ZNF333: variants seen among roughly 807,000 people sequenced by gnomAD.
The protein encoded by ZNF333 is zinc finger protein 333.
ZNF333 carries 61 observed loss-of-function variants against 76.1 expected under a neutral mutation model. The ratio of observed to expected loss-of-function variants is 0.80; its 90% CI spans 0.65 to 0.99. ZNF333 has a LOEUF of 0.99. ZNF333 is among the 50% of genes least tolerant of loss of function. ZNF333 has a pLI of 0.00. For missense variants in ZNF333, 717 were observed against 822.4 expected, an observed-to-expected ratio of 0.87 and a Z score of 1.57; for synonymous variants, 284 against 305.0, an observed-to-expected ratio of 0.93 and a Z score of 0.72.
Position 14,717,101 on chromosome 19 carries a change from C to T in ZNF333, c.823+12C>T. On this transcript the variant is annotated intron_variant, in intron 10 of 11. Coordinates refer to ENST00000292530, the MANE Select transcript of ZNF333 (RefSeq NM_032433.4). ...AGACACCTGTGCAGGTGAGCCCAGGCAGATCAGGTGAGCATCAGCTCTGGT... is the reference window on the plus strand; with the variant it reads ...AGACACCTGTGCAGGTGAGCCCAGGTAGATCAGGTGAGCATCAGCTCTGGT... 2.5e-6 allele frequency: 4 copies of T among 1,594,996 alleles called. No homozygotes were observed. Among genetic ancestry groups the T allele is most frequent in the African/African-American group, 1.3e-5 (1 of 74,814 alleles).
chr19:14,723,265 G>A (rs866717999), downstream of ZNF333, among the ~76,000 whole-genome samples: 10 of 152,210 alleles, frequency 6.6e-5, no homozygotes, highest in Middle Eastern at 6.8e-3. Flanking sequence ...CTCCCTCCTC[G>A]ATTCCATTGG....
At chr19:14,702,576 C>T (rs2041987935) in intron 5 of ZNF333, among the ~76,000 whole-genome samples, 1 of 152,198 alleles carries the variant, frequency 6.6e-6, no homozygotes, top group Admixed American at 6.5e-5. Flanking sequence ...CCTCTCCAGG[C>T]TCAGCCCTTC....
rs2042544136 is a variant in ZNF333, at chr19:14,719,573, A to G, written c.*248A>G. 1.9e-6 allele frequency: 2 copies of G among 1,066,986 alleles called. No individual in the cohort carries two copies. Among genetic ancestry groups the G allele is most frequent in the Non-Finnish European group, 2.4e-6 (2 of 821,190 alleles). The allele number at this position is 1,066,986 out of a possible 1,614,324, so 66.1% of individuals were successfully genotyped here. A position where few individuals can be genotyped will look rare whatever the true frequency, so the allele number is the denominator to read the frequency against. On this transcript the variant is annotated 3_prime_UTR_variant, in exon 12 of 12. Coordinates refer to ENST00000292530, the MANE Select transcript of ZNF333 (RefSeq NM_032433.4). ...AGTGAAATGCATACATCTGAAGTGT[A>G]CAGTTGGATGAGTTTGACAGATGCA...
At chr19:14,706,000 T>TC in intron 6 of ZNF333, 1 of 430,138 alleles carries the variant, frequency 2.3e-6, no homozygotes, top group Non-Finnish European at 4.7e-6. Context: ...CCCTGTTCCC[T>TC]CCCCCGAGGG....
chr19:14,720,159 C>G lies in ZNF333; in HGVS notation c.*834C>G. On this transcript the variant is annotated 3_prime_UTR_variant, in exon 12 of 12. Transcript: ENST00000292530. ...CGAGATTGCGCCACTGCACTCCAGC[C>G]TGGGCAACAGAGTGAAACTCTGTCT... 1 of 969,350 alleles carries G rather than the reference C, an allele frequency of 1.0e-6. No homozygotes were observed. The allele number at this position is 969,350 out of a possible 1,614,324, so 60.0% of individuals were successfully genotyped here.
downstream of ZNF333, among the ~76,000 whole-genome samples, chr19:14,726,226 G>A (rs893383859): frequency 3.3e-5 from 5 of 152,286 alleles, no homozygotes; most frequent in African/African-American, 1.2e-4. Flanking sequence ...CGTGGAGAAT[G>A]GTGTCCAAAG....
chr19:14,724,635 G>A (rs752948890), downstream of ZNF333, among the ~76,000 whole-genome samples: 1 of 152,104 alleles, frequency 6.6e-6, no homozygotes, highest in Non-Finnish European at 1.5e-5. Flanking sequence ...GTGTGGTGGC[G>A]GGAGCCTGTA....
In ZNF333 at chr19:14,704,904, A is replaced by G. The variant is rs547078397; in HGVS notation, c.307-150A>G. 9.4e-4 allele frequency: 587 copies of G among 624,046 alleles called. 8 individuals are homozygous for G. In the South Asian group the frequency reaches 0.012, roughly 12 times the overall value. 38.7% of individuals were successfully genotyped at this position (624,046 alleles called of 1,614,324 possible). The stretch of plus-strand genomic sequence containing the variant: ...AGCAATTCTTCACCTCAGCCTCCCA[A>G]AGTGCTGGGATTATGGGCATGAGCC... On this transcript the variant is annotated intron_variant, in intron 5 of 11. Coordinates refer to ENST00000292530, the MANE Select transcript of ZNF333 (RefSeq NM_032433.4).
rs1309616203 is a variant in ZNF333, at chr19:14,694,950, G to T, written c.4-60G>T. 1.9e-6 allele frequency: 3 copies of T among 1,605,784 alleles called. No individual in the cohort carries two copies. The African/African-American group carries it at 4.0e-5, about 21-fold the overall frequency. ...ATTTTCTCTTCTCCAGTGATAACCAGTCGTTCTGCTCAGTGGTGGGGGTGG... is the reference window on the plus strand; with the variant it reads ...ATTTTCTCTTCTCCAGTGATAACCATTCGTTCTGCTCAGTGGTGGGGGTGG... On this transcript the variant is annotated intron_variant, in intron 2 of 11. Coordinates refer to ENST00000292530, the MANE Select transcript of ZNF333 (RefSeq NM_032433.4).
chr19:14,718,212 T>C lies in ZNF333; in HGVS notation c.901-16T>C, dbSNP rs766756265. Reference sequence around the variant, plus strand: ...CTAATAAGGCCTTTGGTCTTCACATTTTCCTTCATCGACAGGAGCAACCTC... The same window carrying C: ...CTAATAAGGCCTTTGGTCTTCACATCTTCCTTCATCGACAGGAGCAACCTC... On this transcript the variant is annotated splice_polypyrimidine_tract_variant and intron_variant, in intron 11 of 11. Transcript: ENST00000292530. The C allele has an allele frequency of 6.3e-7, 1 of 1,591,264 alleles. No homozygotes were observed. Among genetic ancestry groups the C allele is most frequent in the Non-Finnish European group, 8.5e-7 (1 of 1,170,270 alleles).
intron 4 of ZNF333, among the ~76,000 whole-genome samples, chr19:14,698,899 G>GATATAGATATAT (rs1973443005): frequency 7.5e-6 from 1 of 132,710 alleles, no homozygotes; most frequent in African/African-American, 2.8e-5. Flanking sequence ...CACAAATATA[G>GATATAGATATAT]ATATATATAT....
chr19:14,729,109 C>T (rs562394310), intron 11 of ZNF333, among the ~76,000 whole-genome samples: 3 of 152,058 alleles, frequency 2.0e-5, no homozygotes, highest in South Asian at 2.1e-4. Context: ...TTAGTGCCGA[C>T]GGGAAGGCTG....
rs551056757 is a variant in ZNF333, at chr19:14,699,419, T to A, written c.306+138T>A. Reference sequence around the variant, plus strand: ...GAAGGGAAACAGTGTCTGAGGGGAGTGCCTGTGACTTCTGAATTTGGGCAA... The same window carrying A: ...GAAGGGAAACAGTGTCTGAGGGGAGAGCCTGTGACTTCTGAATTTGGGCAA... On this transcript the variant is annotated intron_variant, in intron 5 of 11. Transcript: ENST00000292530. 52 of 712,396 alleles carry A rather than the reference T, an allele frequency of 7.3e-5. No individual in the cohort carries two copies. The African/African-American group carries it at 8.6e-4, about 12-fold the overall frequency. The allele number at this position is 712,396 out of a possible 1,614,324, so 44.1% of individuals were successfully genotyped here.
At chr19:14,717,137 A>G in intron 10 of ZNF333, 48 bp downstream of exon 10, 1 of 1,519,582 alleles carries the variant, frequency 6.6e-7, no homozygotes, top group South Asian at 1.2e-5. Flanking sequence ...CAGTAAGGGG[A>G]GTGTCCAGTT....
chr19:14,716,346 C>T, intron 9 of ZNF333, 108 bp downstream of exon 9: 1 of 1,318,946 alleles, frequency 7.6e-7, no homozygotes, highest in Non-Finnish European at 1.0e-6. Flanking sequence ...GCAACCTCCG[C>T]TTCCTGGGCT....
In ZNF333 at chr19:14,717,082, C is replaced by T; in HGVS notation, c.816C>T (p.Thr272=). 1 of 1,605,126 alleles carries T rather than the reference C, an allele frequency of 6.2e-7. No individual in the cohort carries two copies. Among genetic ancestry groups the T allele is most frequent in the Non-Finnish European group, 8.5e-7 (1 of 1,174,872 alleles). ...CTGACAGGGGCGTCCTCTCAGACAC[C>T]TGTGCAGGTGAGCCCAGGCAGATCA... is the stretch of plus-strand genomic sequence containing the variant. ...WTTDRGVLSD[T]CAEPQCQPQE... is the part of the protein sequence containing the mutation. The change falls in exon 10 of 12, where the codon ACC becomes ACT. Residue 272 remains threonine (T), a synonymous_variant. Coordinates refer to ENST00000292530, the MANE Select transcript of ZNF333 (RefSeq NM_032433.4).
At chr19:14,730,751 G>T (rs769485247) in intron 11 of ZNF333, among the ~76,000 whole-genome samples, 1 of 151,744 alleles carries the variant, frequency 6.6e-6, no homozygotes, top group Admixed American at 6.6e-5. Flanking sequence ...GGGTACAAAT[G>T]AATCCAGTTA....
chr19:14,692,567 G>A (rs1249889608), intron 1 of ZNF333, among the ~76,000 whole-genome samples: 1 of 152,058 alleles, frequency 6.6e-6, no homozygotes, highest in Admixed American at 6.5e-5. Flanking sequence ...AGGCTGGAGT[G>A]CAGTGTGGGA....
chr19:14,699,076 A>G, intron 4 of ZNF333, 123 bp from the exon 5 acceptor site: 1 of 641,848 alleles, frequency 1.6e-6, no homozygotes, highest in South Asian at 2.4e-5. Flanking sequence ...TTCAACATTA[A>G]AAGAAAAAGC....
Sources: allele counts gnomAD v4.1 joint callset (sites outside exome capture counted in the v4.1 genomes callset), GRCh38; gene constraint gnomAD v4.1.1; transcripts MANE v1.5; gene names NCBI Gene and HGNC (gene_info 2026-07-23, HGNC 2026-07-21).